The following GTF2F2 variants were observed in gnomAD, a reference collection of about 807,000 sequenced individuals.
The protein encoded by GTF2F2 is general transcription factor IIF subunit 2, also known as ATP-dependent helicase GTF2F2.
Under a neutral mutation model 42.2 loss-of-function variants are expected in GTF2F2, and 23 were observed. The observed-to-expected ratio is 0.55, with a 90% CI of 0.39 to 0.77. The LOEUF is 0.77. GTF2F2 is among the 30% of genes least tolerant of loss of function. The pLI is 0.00. For synonymous variants in GTF2F2, 105 were observed against 100.8 expected, an observed-to-expected ratio of 1.04 and a Z score of -0.25; for missense variants, 261 against 287.2, an observed-to-expected ratio of 0.91 and a Z score of 0.66.
At chr13:45,212,812 G>A (rs1433266770) in intron 5 of GTF2F2, among the ~76,000 whole-genome samples, 1 of 151,866 alleles carries the variant, frequency 6.6e-6, no homozygotes, top group East Asian at 1.9e-4. Context: ...TGCGATCTTG[G>A]CTCACTACAA....
At chr13:45,149,881 C>A in intron 3 of GTF2F2, 93 bp downstream of exon 3, 1 of 1,237,258 alleles carries the variant, frequency 8.1e-7, no homozygotes, top group Non-Finnish European at 1.1e-6. Context: ...TTGGAAAACT[C>A]CACATCAAGT....
intron 5 of GTF2F2, among the ~76,000 whole-genome samples, chr13:45,223,852 G>A (rs552898185): frequency 6.6e-6 from 1 of 152,264 alleles, no homozygotes; most frequent in Non-Finnish European, 1.5e-5. Context: ...TATCTCTGTT[G>A]GTTTGGTACA....
intron 4 of GTF2F2, among the ~76,000 whole-genome samples, chr13:45,175,507 T>C (rs1871831266): frequency 6.6e-6 from 1 of 152,198 alleles, no homozygotes; most frequent in Non-Finnish European, 1.5e-5. Flanking sequence ...GTGTTCTTTT[T>C]TATATATGTT....
intron 4 of GTF2F2, among the ~76,000 whole-genome samples, chr13:45,176,922 A>G (rs1474983372): frequency 1.3e-5 from 2 of 151,830 alleles, no homozygotes; most frequent in Non-Finnish European, 2.9e-5. Flanking sequence ...AGTAGCCGGG[A>G]TTATAGGTGC....
chr13:45,202,596 TA>T (rs1390808015), intron 4 of GTF2F2, among the ~76,000 whole-genome samples: 4 of 152,216 alleles, frequency 2.6e-5, no homozygotes, highest in Non-Finnish European at 5.9e-5. Flanking sequence ...TGGGAAATCA[TA>T]AAAATGATAT....
At chr13:45,164,251 G>C (rs1010244195) in intron 4 of GTF2F2, among the ~76,000 whole-genome samples, 1 of 151,708 alleles carries the variant, frequency 6.6e-6, no homozygotes, top group Non-Finnish European at 1.5e-5. Context: ...CTGCACTCCA[G>C]CCTGGGCAAC....
chr13:45,201,860 C>G (rs759659703), intron 4 of GTF2F2, among the ~76,000 whole-genome samples: 1 of 152,144 alleles, frequency 6.6e-6, no homozygotes, highest in East Asian at 1.9e-4. Context: ...ATTCCAAAGC[C>G]TTTGGTAGGA....
intron 5 of GTF2F2, among the ~76,000 whole-genome samples, chr13:45,241,275 A>G (rs1192497063): frequency 6.6e-6 from 1 of 151,922 alleles, no homozygotes; most frequent in Admixed American, 6.6e-5. Context: ...GGTGATAAAC[A>G]GCTAGAGCTG....
intron 4 of GTF2F2, among the ~76,000 whole-genome samples, chr13:45,176,806 G>T (rs746435075): frequency 6.7e-6 from 1 of 150,268 alleles, no homozygotes; most frequent in African/African-American, 2.4e-5. Flanking sequence ...TTTTTTTTTG[G>T]GGGGGACGGT....
chr13:45,186,844 A>G (rs1872448196), intron 4 of GTF2F2, among the ~76,000 whole-genome samples: 1 of 152,208 alleles, frequency 6.6e-6, no homozygotes, highest in African/African-American at 2.4e-5. Flanking sequence ...TCAATTTTAT[A>G]CTTTAATAAT....
intron 5 of GTF2F2, among the ~76,000 whole-genome samples, chr13:45,211,574 CAA>C (rs35664009): frequency 3.0e-5 from 4 of 135,386 alleles, no homozygotes; most frequent in African/African-American, 5.5e-5. Context: ...TGGCCAAGCT[CAA>C]AAAAAAAAAA....
chr13:45,127,492 A>ATTTTT (rs34519885), intron 1 of GTF2F2, among the ~76,000 whole-genome samples: 1 of 137,464 alleles, frequency 7.3e-6, no homozygotes, highest in Non-Finnish European at 1.6e-5. Context: ...CGCCCAACTA[A>ATTTTT]TTTTTTTTTT....
At chr13:45,265,803 A>G (rs916633115) in intron 6 of GTF2F2, among the ~76,000 whole-genome samples, 1 of 152,196 alleles carries the variant, frequency 6.6e-6, no homozygotes, top group Non-Finnish European at 1.5e-5. Context: ...ATTTATTTGT[A>G]AGTTTTTAAA....
Position 45,182,830 on chromosome 13 carries a change from C to T in GTF2F2, c.305-24594C>T, listed in dbSNP as rs189654026. Reference sequence around the variant, plus strand: ...ACAGAGGCTTCTTTCCTGGTTATCCCTCACGTGCCAGTCCCCCTTTTTCTT... The same window carrying T: ...ACAGAGGCTTCTTTCCTGGTTATCCTTCACGTGCCAGTCCCCCTTTTTCTT... On this transcript the variant is annotated intron_variant, in intron 4 of 7. Coordinates refer to ENST00000340473, the MANE Select transcript of GTF2F2 (RefSeq NM_004128.3). 4.1e-3 allele frequency among the ~76,000 whole-genome samples: 625 copies of T among 152,222 alleles called. 3 individuals are homozygous for T. Among genetic ancestry groups the T allele is most frequent in the Middle Eastern group, 0.017 (5 of 294 alleles).
chr13:45,144,694 G>A (rs1870107955), intron 2 of GTF2F2, among the ~76,000 whole-genome samples: 1 of 151,822 alleles, frequency 6.6e-6, no homozygotes, highest in South Asian at 2.1e-4. Context: ...ACCCGCCTCG[G>A]CCTCCCAAAG....
At chr13:45,154,289 A>G (rs1870647406) in intron 4 of GTF2F2, among the ~76,000 whole-genome samples, 1 of 152,230 alleles carries the variant, frequency 6.6e-6, no homozygotes, top group Non-Finnish European at 1.5e-5. Flanking sequence ...AAAGACAGCA[A>G]TTTAGAAAGC....
At chr13:45,155,197 C>T (rs1032981663) in intron 4 of GTF2F2, among the ~76,000 whole-genome samples, 5 of 152,184 alleles carry the variant, frequency 3.3e-5, no homozygotes, top group Non-Finnish European at 5.9e-5. Flanking sequence ...TAGTTTTAAC[C>T]TTGGTTGGTC....
chr13:45,123,112 C>T (rs71431322), intron 1 of GTF2F2: 22 of 152,042 alleles, frequency 1.4e-4, no homozygotes, highest in African/African-American at 4.1e-4. Context: ...TGTGATCTGT[C>T]TGGGACATCT....
At chr13:45,157,613 A>G (rs1295852095) in intron 4 of GTF2F2, among the ~76,000 whole-genome samples, 1 of 152,154 alleles carries the variant, frequency 6.6e-6, no homozygotes, top group African/African-American at 2.4e-5. Flanking sequence ...AGTTGTGTTA[A>G]CAGACAGTCC....
Sources: allele counts gnomAD v4.1 joint callset (sites outside exome capture counted in the v4.1 genomes callset), GRCh38; gene constraint gnomAD v4.1.1; transcripts MANE v1.5; gene names NCBI Gene and HGNC (gene_info 2026-07-23, HGNC 2026-07-21).